The following ANK2 variants were observed in gnomAD, a reference collection of about 807,000 sequenced individuals.
ANK2 encodes the protein ankyrin-2.
A neutral mutation model predicts 360.5 loss-of-function variants in ANK2; 83 were observed. That is an observed-to-expected ratio of 0.23 (90% CI 0.19 to 0.28). ANK2 has a LOEUF of 0.28. Among genes scored for constraint, ANK2 ranks in the 10% least tolerant of loss-of-function variants. The pLI, the probability that ANK2 is intolerant of heterozygous loss-of-function variation, is 1.00. For synonymous variants in ANK2, 1,740 were observed against 1,759.5 expected, an observed-to-expected ratio of 0.99 and a Z score of 0.28; for missense variants, 4,201 against 4,795.7, an observed-to-expected ratio of 0.88 and a Z score of 3.66.
At chr4:113,301,784 C>G (rs1158914279) in intron 22 of ANK2, among the ~76,000 whole-genome samples, 1 of 152,112 alleles carries the variant, frequency 6.6e-6, no homozygotes, top group Non-Finnish European at 1.5e-5. Flanking sequence ...ACTGGTATGT[C>G]TTGTGTCTAA....
At chr4:112,946,597 A>G (rs1423108072) in intron 2 of ANK2, among the ~76,000 whole-genome samples, 7 of 152,188 alleles carry the variant, frequency 4.6e-5, no homozygotes, top group Admixed American at 3.3e-4. Flanking sequence ...TCTAACTTAC[A>G]AATAAATTAA....
At chr4:113,010,031 C>T (rs1433081274) in intron 2 of ANK2, among the ~76,000 whole-genome samples, 1 of 152,026 alleles carries the variant, frequency 6.6e-6, no homozygotes, top group Non-Finnish European at 1.5e-5. Context: ...GAATAATCCT[C>T]ACATGGCAAA....
At chr4:112,969,581 G>A (rs1011612727) in intron 2 of ANK2, among the ~76,000 whole-genome samples, 1 of 152,210 alleles carries the variant, frequency 6.6e-6, no homozygotes, top group Non-Finnish European at 1.5e-5. Flanking sequence ...TGTGTTCTGA[G>A]CTTGAGACCA....
chr4:112,846,487 T>A (rs1467799665), intron 1 of ANK2, among the ~76,000 whole-genome samples: 9 of 152,074 alleles, frequency 5.9e-5, no homozygotes, highest in Non-Finnish European at 1.3e-4. Context: ...GTCACGAAAT[T>A]CATTAGCTTC....
At chr4:112,796,515 A>T in the ANK2 span, among the ~76,000 whole-genome samples, 4 of 151,666 alleles carry the variant, frequency 2.6e-5, no homozygotes, top group Admixed American at 6.6e-5. Context: ...TAACTATTAA[A>T]TTTTTTTTAA....
chr4:113,348,538 T>C (rs2095140480), intron 36 of ANK2, among the ~76,000 whole-genome samples: 1 of 152,182 alleles, frequency 6.6e-6, no homozygotes, highest in Non-Finnish European at 1.5e-5. Context: ...TGCAATACTA[T>C]ATTTTTCCAC....
chr4:112,728,587 C>G, the ANK2 span, among the ~76,000 whole-genome samples: 1 of 151,792 alleles, frequency 6.6e-6, no homozygotes, highest in South Asian at 2.1e-4. Flanking sequence ...CCTGTCTCTA[C>G]TAAAAATACA....
chr4:112,716,377 G>A, the ANK2 span, among the ~76,000 whole-genome samples: 1 of 152,122 alleles, frequency 6.6e-6, no homozygotes, highest in Middle Eastern at 3.2e-3. Context: ...GATTACAGGT[G>A]TAAACCACCA....
intron 1 of ANK2, 134 bp downstream of exon 1, chr4:113,049,946 G>A: frequency 1.7e-6 from 2 of 1,168,072 alleles, no homozygotes; most frequent in Non-Finnish European, 2.5e-6. Context: ...GCCAAGCCTT[G>A]CTTTTTAAAG....
chr4:113,296,190 C>G (rs2071334562), intron 22 of ANK2, among the ~76,000 whole-genome samples: 1 of 152,082 alleles, frequency 6.6e-6, no homozygotes, highest in Non-Finnish European at 1.5e-5. Context: ...TGTGAAGAAA[C>G]TGTTTTCACC....
rs1001889142 is a variant in ANK2 at position 113,010,234 on chromosome 4, A to G, written c.21+105720A>G. ...GAAGTGTTTCCTGTAATGTCAATCA[A>G]TTTAATCACTATCCACTTAAAAATT... is the stretch of plus-strand genomic sequence containing the variant. On this transcript the variant is annotated intron_variant, in intron 2 of 30. Transcript: ENST00000503271. Among the ~76,000 whole-genome samples the G allele has an allele frequency of 6.6e-5, 10 of 152,162 alleles. No individual in the cohort carries two copies. In the East Asian group the frequency reaches 1.3e-3, roughly 21 times the overall value.
intron 32 of ANK2, 33 bp from the exon 33 acceptor site, chr4:113,341,655 A>G (rs1242160590): frequency 6.2e-7 from 1 of 1,604,450 alleles, no homozygotes; most frequent in Non-Finnish European, 8.5e-7. Context: ...TATACTTTGA[A>G]CTTTAGATAA....
intron 29 of ANK2, among the ~76,000 whole-genome samples, chr4:113,335,230 A>G (rs2093347460): frequency 6.6e-6 from 1 of 152,218 alleles, no homozygotes; most frequent in African/African-American, 2.4e-5. Context: ...ATTTAATGGC[A>G]TCAGGGGAAT....
intron 45 of ANK2, chr4:113,374,734 A>T (rs757153533): frequency 9.9e-7 from 1 of 1,013,166 alleles, no homozygotes; most frequent in Non-Finnish European, 1.2e-6. Context: ...GCAATCAGAC[A>T]TTGTCTATTG....
intron 1 of ANK2, among the ~76,000 whole-genome samples, chr4:112,865,292 CTTTTA>C (rs1431481085): frequency 6.6e-6 from 1 of 152,004 alleles, no homozygotes; most frequent in African/African-American, 2.4e-5. Flanking sequence ...ACCTTCTCAC[CTTTTA>C]TTTTATCACA....
upstream of ANK2, among the ~76,000 whole-genome samples, chr4:113,047,789 G>A (rs1233424176): frequency 6.6e-6 from 1 of 152,150 alleles, no homozygotes; most frequent in Non-Finnish European, 1.5e-5. Context: ...TGAAACAGGA[G>A]GAGGGTGGAG....
intron 1 of ANK2, among the ~76,000 whole-genome samples, chr4:113,143,352 G>A (rs1362299296): frequency 7.3e-5 from 3 of 41,298 alleles, no homozygotes; most frequent in Non-Finnish European, 4.9e-5. Context: ...GAAACAATTC[G>A]AGCTGTTAAA....
intron 1 of ANK2, among the ~76,000 whole-genome samples, chr4:112,865,123 T>C: frequency 6.8e-6 from 1 of 146,554 alleles, no homozygotes; most frequent in East Asian, 2.0e-4. Context: ...GTGCAACATG[T>C]GGATTATGTG....
chr4:112,979,162 C>T (rs2042320385), intron 2 of ANK2, among the ~76,000 whole-genome samples: 1 of 152,220 alleles, frequency 6.6e-6, no homozygotes, highest in Non-Finnish European at 1.5e-5. Flanking sequence ...GCCCAGATCC[C>T]ATATCTGCCA....
Sources: gnomAD v4.1 joint callset for allele counts (sites outside exome capture counted in the v4.1 genomes callset) on GRCh38, gnomAD v4.1.1 for gene constraint, MANE v1.5 for transcripts, NCBI Gene and HGNC (gene_info 2026-07-23, HGNC 2026-07-21) for gene names.